Variants in GPLD1 observed in about 807,000 individuals in gnomAD.
GPLD1 encodes the protein glycosylphosphatidylinositol specific phospholipase D1, also known as phosphatidylinositol-glycan-specific phospholipase D.
In GPLD1, 84 loss-of-function variants were observed where a neutral mutation model predicts 112.6. The ratio of observed to expected loss-of-function variants is 0.75; its 90% confidence interval spans 0.63 to 0.89. The LOEUF (loss-of-function observed/expected upper bound fraction) is 0.89, where lower values mean the gene tolerates loss of function less well. Ranked by LOEUF, GPLD1 falls within the 40% of genes least tolerant of loss-of-function variation. GPLD1 has a pLI of 0.00. For synonymous variants in GPLD1, 386 were observed against 403.8 expected (o/e 0.96, Z 0.53); for missense variants, 1,044 against 1,051.5 (o/e 0.99, Z 0.10).
chr6:24,494,768 A>C, intron 1 of GPLD1: 6 of 397,272 alleles, frequency 1.5e-5, no homozygotes, highest in East Asian at 8.2e-5. Flanking sequence ...TCGCGCCAGG[A>C]GAGAAGCCGC....
upstream of GPLD1, among the ~76,000 whole-genome samples, chr6:24,491,601 A>G (rs1764561934): frequency 6.6e-6 from 1 of 152,034 alleles, no homozygotes; most frequent in African/African-American, 2.4e-5. Flanking sequence ...CAAGCTACTC[A>G]GGAGGCTGAG....
At chr6:24,470,234 T>C (rs1390407123) in intron 7 of GPLD1, among the ~76,000 whole-genome samples, 1 of 152,122 alleles carries the variant, frequency 6.6e-6, no homozygotes, top group Non-Finnish European at 1.5e-5. Flanking sequence ...CTACTTATTC[T>C]AGCACCATGG....
intron 1 of GPLD1, among the ~76,000 whole-genome samples, chr6:24,494,640 C>T (rs1358631052): frequency 1.3e-5 from 2 of 152,100 alleles, no homozygotes; most frequent in Non-Finnish European, 2.9e-5. Context: ...CGATTGGGGG[C>T]TCAGGAGCAG....
intron 20 of GPLD1, among the ~76,000 whole-genome samples, chr6:24,441,548 G>A (rs1762746749): frequency 1.3e-5 from 2 of 152,184 alleles, no homozygotes. Context: ...TTGCAAAGCT[G>A]CATATTCAGG....
intron 10 of GPLD1, among the ~76,000 whole-genome samples, chr6:24,465,206 A>AG (rs1763562720): frequency 7.1e-6 from 1 of 140,812 alleles, no homozygotes; most frequent in African/African-American, 3.0e-5. Context: ...CAAAAAAAAA[A>AG]AAAAAAAGAA....
chr6:24,470,125 GTT>G (rs1011777772), intron 7 of GPLD1, among the ~76,000 whole-genome samples: 1 of 148,516 alleles, frequency 6.7e-6, no homozygotes, highest in Admixed American at 6.8e-5. Context: ...AACCTGGACG[GTT>G]TTTTTTTTGT....
chr6:24,488,631 G>T (rs947347065), intron 1 of GPLD1, among the ~76,000 whole-genome samples: 2 of 152,164 alleles, frequency 1.3e-5, no homozygotes, highest in Non-Finnish European at 2.9e-5. Context: ...AGCTATGTGG[G>T]GGGGGCGGAT....
intron 2 of GPLD1, among the ~76,000 whole-genome samples, chr6:24,480,683 A>G (rs888202037): frequency 6.6e-6 from 1 of 152,178 alleles, no homozygotes; most frequent in African/African-American, 2.4e-5. Flanking sequence ...CCCTTTTTAA[A>G]TGATGTGAAA....
rs373315916 is a variant in GPLD1, at chr6:24,495,028, G to A, written n.178C>T. ...ACCTGCATTTGGCTGCGGAGCTGTG[G>A]GGCCCGGCGCCTCGGGTCGACGTTT... On this transcript the variant is annotated non_coding_transcript_exon_variant, in exon 1 of 11. Coordinates refer to the GPLD1 transcript ENST00000474784. 22 of 1,345,668 alleles carry A rather than the reference G, an allele frequency of 1.6e-5. No homozygotes were observed. The African/African-American group carries it at 2.4e-4, about 15-fold the overall frequency. 83.4% of individuals were successfully genotyped at this position (1,345,668 alleles called of 1,614,324 possible).
rs1033419571 is a variant in GPLD1 at position 24,455,717 on chromosome 6, A to G, written c.1148+781T>C. On this transcript the variant is annotated intron_variant, in intron 13 of 24. Transcript: ENST00000230036. The stretch of plus-strand genomic sequence containing the variant: ...TCTGATGTGACTAGATTACAAAAGA[A>G]ATCTGTAAGAATTTATCTCCAAGAA... Among the ~76,000 whole-genome samples the G allele has an allele frequency of 8.5e-5, 13 of 152,346 alleles. No individual in the cohort carries two copies. The East Asian group carries it at 2.5e-3, about 29-fold the overall frequency.
rs747085341 is a variant in GPLD1, at chr6:24,434,837, C to CAAAA, written c.2359-1452_2359-1449dup. 1.2e-4 allele frequency among the ~76,000 whole-genome samples: 8 copies of CAAAA among 65,468 alleles called. 1 individual carries two copies. The highest frequency in any genetic ancestry group is 4.7e-4 in the African/African-American group (8 of 16,860). The allele number at this position is 65,468 out of a possible 152,430, so 42.9% of individuals were successfully genotyped here. On this transcript the variant is annotated intron_variant, in intron 22 of 24. Coordinates refer to ENST00000230036, the MANE Select transcript of GPLD1 (RefSeq NM_001503.4). ...TGGGCGACAGAGCGAGACTCCGTCT[C>CAAAA]AAAAAAAAAAAAAAAAAAGACAGGG...
At chr6:24,441,570 T>C (rs116922839) in intron 20 of GPLD1, among the ~76,000 whole-genome samples, 2 of 152,288 alleles carry the variant, frequency 1.3e-5, no homozygotes, top group East Asian at 3.9e-4. Flanking sequence ...ATGGTTGTGA[T>C]AAAAAGCAGG....
downstream of GPLD1, chr6:24,425,444 G>A (rs1762201226): frequency 2.0e-5 from 3 of 152,186 alleles, no homozygotes; most frequent in South Asian, 6.2e-4. Context: ...TCTGATAAAA[G>A]GAAGTTGCTA....
intron 11 of GPLD1, 63 bp from the exon 12 acceptor site, chr6:24,460,462 G>A (rs1763399393): frequency 2.0e-5 from 32 of 1,562,062 alleles, no homozygotes; most frequent in Non-Finnish European, 2.8e-5. Flanking sequence ...GTAAAACTGA[G>A]TTGAAGAATA....
Position 24,465,210 on chromosome 6 carries a change from A to AG in GPLD1, c.821+1469_821+1470insC, listed in dbSNP as rs1272518720. ...AGACTCTGTCTCAAAAAAAAAAAAAAAAAGAAAAGAAAAGAAAAGAAAAGA... is the reference window on the plus strand; with the variant it reads ...AGACTCTGTCTCAAAAAAAAAAAAAAGAAAGAAAAGAAAAGAAAAGAAAAGA... On this transcript the variant is annotated intron_variant, in intron 10 of 24. Coordinates refer to ENST00000230036, the MANE Select transcript of GPLD1 (RefSeq NM_001503.4). 3.0e-5 allele frequency among the ~76,000 whole-genome samples: 3 copies of AG among 100,204 alleles called. No individual in the cohort carries two copies. In the East Asian group the frequency reaches 7.3e-4, roughly 24 times the overall value. The allele number at this position is 100,204 out of a possible 152,430, so 65.7% of individuals were successfully genotyped here. A position where few individuals can be genotyped will look rare whatever the true frequency, so the allele number is the denominator to read the frequency against.
chr6:24,432,010 G>A (rs1256488016), intron 24 of GPLD1, among the ~76,000 whole-genome samples: 4 of 151,942 alleles, frequency 2.6e-5, no homozygotes, highest in African/African-American at 4.8e-5. Context: ...AAAAATGGGG[G>A]GCCAAGGTGG....
intron 11 of GPLD1, among the ~76,000 whole-genome samples, chr6:24,460,718 A>G (rs1275763110): frequency 6.6e-6 from 1 of 151,290 alleles, no homozygotes; most frequent in African/African-American, 2.4e-5. Flanking sequence ...CTGGTGGGGA[A>G]ACTGCTTTGC....
intron 10 of GPLD1, among the ~76,000 whole-genome samples, 155 bp from the exon 11 acceptor site, chr6:24,462,950 A>AGAGGGTG (rs895988513): frequency 3.3e-5 from 5 of 152,140 alleles, no homozygotes; most frequent in Admixed American, 3.3e-4. Flanking sequence ...GTTCTCCCAG[A>AGAGGGTG]GAGGGTGGGT....
At position 24,445,593 on chromosome 6, in the gene GPLD1, A is replaced by G. The variant is rs1561834934; in HGVS notation, c.1973T>C (p.Met658Thr). 4.3e-6 allele frequency: 7 copies of G among 1,613,936 alleles called. No individual in the cohort carries two copies. Among genetic ancestry groups the G allele is most frequent in the Non-Finnish European group, 5.9e-6 (7 of 1,179,936 alleles). Reference sequence around the variant, plus strand: ...CAGCACTTGTTTCAGAGTCCCATTCATCAGTACGTGGCCACTGGAAAGGGA... The same window carrying G: ...CAGCACTTGTTTCAGAGTCCCATTCGTCAGTACGTGGCCACTGGAAAGGGA... The part of the protein sequence containing the change: ...GTSLSSGHVL[M>T]NGTLKQVLLV... Residue 658 changes from methionine to threonine, a missense_variant, in exon 20 of 25, where the codon ATG becomes ACG. By Grantham distance (81) the Met-to-Thr change is moderately conservative. Transcript: ENST00000230036.
Sources: allele counts gnomAD v4.1 joint callset (sites outside exome capture counted in the v4.1 genomes callset), GRCh38; gene constraint gnomAD v4.1.1; transcripts MANE v1.5; gene names NCBI Gene and HGNC (gene_info 2026-07-23, HGNC 2026-07-21).